Variants in CEP44 observed in about 807,000 individuals in gnomAD.
CEP44 encodes the protein centrosomal protein 44.
A neutral mutation model predicts 46.7 loss-of-function variants in CEP44; 45 were observed. That is an observed-to-expected ratio of 0.96 (90% confidence interval 0.76 to 1.24). The LOEUF (loss-of-function observed/expected upper bound fraction) is 1.24. CEP44 is among the 50% of genes most tolerant of loss of function. The pLI is 0.00. For synonymous variants in CEP44, 142 were observed against 146.0 expected, an observed-to-expected ratio of 0.97 and a Z score of 0.20; for missense variants, 475 against 459.7, an observed-to-expected ratio of 1.03 and a Z score of -0.30.
intron 1 of CEP44, among the ~76,000 whole-genome samples, chr4:174,291,782 CTTTTCTTTTTTTTTTTT>C (rs1738236590): frequency 1.2e-5 from 1 of 81,636 alleles, no homozygotes; most frequent in Non-Finnish European, 2.6e-5. Context: ...TTATCTTTTT[CTTTTCTTTTTTTTTTTT>C]TTTTTTTTTT....
At chr4:174,305,871 T>A (rs1281937564) in intron 6 of CEP44, among the ~76,000 whole-genome samples, 1 of 152,190 alleles carries the variant, frequency 6.6e-6, no homozygotes, top group Non-Finnish European at 1.5e-5. Context: ...GGGGACAGTG[T>A]AAATTGTCCT....
At chr4:174,328,854 A>C (rs185473362) in intron 8 of CEP44, among the ~76,000 whole-genome samples, 13 of 152,220 alleles carry the variant, frequency 8.5e-5, no homozygotes, top group African/African-American at 3.1e-4. Flanking sequence ...ATAAATTAAA[A>C]TAGGTTTCTA....
At position 174,326,805 on chromosome 4, in the gene CEP44, TA is replaced by T; in HGVS notation, c.1087-4675del. On this transcript the variant is annotated intron_variant, in intron 8 of 8. Coordinates refer to the CEP44 transcript ENST00000426172. This position sits in a 1 kb window ranked among gnomAD's most constrained non-coding sequence, Gnocchi z 4.8. Reference sequence around the variant, plus strand: ...GTTTGTTGTTTTTCATTCTTTTCAGTAATTTAAAGATGGCCCTCCATGGTCT... The same window carrying T: ...GTTTGTTGTTTTTCATTCTTTTCAGTATTTAAAGATGGCCCTCCATGGTCT... Among the ~76,000 whole-genome samples, 1 of 151,972 alleles carries T rather than the reference TA, an allele frequency of 6.6e-6. No homozygotes were observed. Among genetic ancestry groups the T allele is most frequent in the East Asian group, 1.9e-4 (1 of 5,198 alleles).
Position 174,290,939 on chromosome 4 carries a change from A to G in CEP44, c.-148+6996A>G, listed in dbSNP as rs115335349. Among the ~76,000 whole-genome samples, 9,809 of 152,168 alleles carry G rather than the reference A, an allele frequency of 0.064. 431 individuals carry two copies. The highest frequency in any genetic ancestry group is 0.21 in the South Asian group (988 of 4,816). ...TTTGACAGTTGTCGACTTAAAGTCT[A>G]TTTTGTCTGATATAGATAGCCACCC... On this transcript the variant is annotated intron_variant, in intron 1 of 11. Transcript: ENST00000503780. This position sits in a 1 kb window ranked among gnomAD's most constrained non-coding sequence, Gnocchi z 4.3.
In CEP44 at chr4:174,302,108, T is replaced by C. The variant is rs778278459; in HGVS notation, c.159T>C (p.Tyr53=). ...ATTCTTTTACCTCATACTCACCTTA[T>C]GTAACAGAACTTATAATGGAATCCA... ...ISYSFTSYSP[Y]VTELIMESNV... The change falls in exon 4 of 12, where the codon TAT becomes TAC. Residue 53 remains tyrosine (Y), a synonymous_variant. Coordinates refer to ENST00000503780, the MANE Select transcript of CEP44 (RefSeq NM_001040157.3). 1.9e-6 allele frequency: 3 copies of C among 1,612,386 alleles called. No individual in the cohort carries two copies. Among genetic ancestry groups the C allele is most frequent in the East Asian group, 2.2e-5 (1 of 44,728 alleles).
chr4:174,324,014 G>A (rs1039966388), downstream of CEP44, among the ~76,000 whole-genome samples: 2 of 152,126 alleles, frequency 1.3e-5, no homozygotes, highest in East Asian at 3.9e-4. Flanking sequence ...AGAAGCAAGC[G>A]ACTACAAACA....
At chr4:174,285,637 A>C (rs1452741254) in intron 1 of CEP44, 2 of 152,222 alleles carry the variant, frequency 1.3e-5, no homozygotes, top group African/African-American at 4.8e-5. Flanking sequence ...AATGGAATAT[A>C]CATCTGGAAG....
intron 1 of CEP44, among the ~76,000 whole-genome samples, chr4:174,284,808 C>T (rs1737384588): frequency 6.6e-6 from 1 of 152,156 alleles, no homozygotes; most frequent in African/African-American, 2.4e-5. Context: ...CTGTTTTTCT[C>T]ATCTTTACTT....
chr4:174,317,852 G>A lies in CEP44; in HGVS notation c.*469G>A, dbSNP rs1474185119. 2 of 985,660 alleles carry A rather than the reference G, an allele frequency of 2.0e-6. No individual in the cohort carries two copies. The highest frequency in any genetic ancestry group is 2.4e-6 in the Non-Finnish European group (2 of 829,822). 61.1% of individuals were successfully genotyped at this position (985,660 alleles called of 1,614,324 possible). The stretch of plus-strand genomic sequence containing the variant: ...TAATGAACAGTTAAAAATGCTCATT[G>A]AAAATTAAATAAAACAAAAAGGCAG... On this transcript the variant is annotated 3_prime_UTR_variant, in exon 12 of 12. Coordinates refer to ENST00000503780, the MANE Select transcript of CEP44 (RefSeq NM_001040157.3).
chr4:174,323,926 A>G (rs1362344550), downstream of CEP44, among the ~76,000 whole-genome samples: 1 of 152,154 alleles, frequency 6.6e-6, no homozygotes, highest in Non-Finnish European at 1.5e-5. Context: ...GATGTTATCT[A>G]TAAGGAAACT....
Position 174,316,241 on chromosome 4 carries a change from C to G in CEP44, c.1037C>G (p.Thr346Ser). The G allele has an allele frequency of 6.2e-7, 1 of 1,612,176 alleles. No homozygotes were observed. Among genetic ancestry groups the G allele is most frequent in the African/African-American group, 1.3e-5 (1 of 74,996 alleles). Residue 346 changes from threonine (T) to serine (S), a missense_variant, in exon 10 of 12, where the codon ACT becomes AGT. Coordinates refer to ENST00000503780, the MANE Select transcript of CEP44 (RefSeq NM_001040157.3). ...SGYSTASSDS[T>S]PRASTVNYCG... Reference sequence around the variant, plus strand: ...TATAGTACAGCATCATCAGATTCAACTCCCAGAGCCTCTACTGTTAATTAC... The same window carrying G: ...TATAGTACAGCATCATCAGATTCAAGTCCCAGAGCCTCTACTGTTAATTAC...
downstream of CEP44, among the ~76,000 whole-genome samples, chr4:174,320,797 A>G (rs1044128909): frequency 5.9e-5 from 9 of 151,972 alleles, no homozygotes; most frequent in African/African-American, 1.9e-4. Context: ...GAATATGATA[A>G]CCAGATCTGA....
chr4:174,331,393 C>G lies in CEP44; in HGVS notation c.1087-89C>G. On this transcript the variant is annotated intron_variant, in intron 8 of 8. Coordinates refer to the CEP44 transcript ENST00000426172. The surrounding 1 kb of genome is among the most constrained non-coding windows in gnomAD (Gnocchi z 4.5). ...ATGGAAGAGGAGGAAATATTAATAG[C>G]ACTCTGACACTGCTCTAATTCCTAT... 7.5e-7 allele frequency: 1 copy of G among 1,334,330 alleles called. No individual in the cohort carries two copies. Among genetic ancestry groups the G allele is most frequent in the Non-Finnish European group, 1.0e-6 (1 of 994,040 alleles). The allele number at this position is 1,334,330 out of a possible 1,614,324, so 82.7% of individuals were successfully genotyped here.
intron 4 of CEP44, among the ~76,000 whole-genome samples, chr4:174,303,070 G>A (rs554391802): frequency 3.4e-4 from 51 of 152,178 alleles, no homozygotes; most frequent in South Asian, 1.2e-3. Context: ...ATGAGCCACC[G>A]CACCCAGCCT....
chr4:174,296,237 A>G (rs550392107), intron 1 of CEP44, among the ~76,000 whole-genome samples: 1 of 152,276 alleles, frequency 6.6e-6, no homozygotes, highest in African/African-American at 2.4e-5. Flanking sequence ...CTTTTACTTT[A>G]TGAAATGTCA....
chr4:174,327,928 G>A (rs1013980820), intron 8 of CEP44, among the ~76,000 whole-genome samples: 5 of 152,276 alleles, frequency 3.3e-5, no homozygotes, highest in Non-Finnish European at 5.9e-5. Flanking sequence ...TAAAGTTGGA[G>A]AAACACTGGT....
At chr4:174,285,698 A>AG (rs922376610) in intron 1 of CEP44, 64 of 152,218 alleles carry the variant, frequency 4.2e-4, no homozygotes, top group African/African-American at 1.5e-3. Flanking sequence ...GTTACTGGGA[A>AG]GAAGGTATCC....
At chr4:174,304,696 A>G (rs1380427317) in intron 6 of CEP44, among the ~76,000 whole-genome samples, 1 of 152,242 alleles carries the variant, frequency 6.6e-6, no homozygotes. Flanking sequence ...TCTTCCTAAA[A>G]CATGGGAACA....
intron 6 of CEP44, among the ~76,000 whole-genome samples, chr4:174,305,012 C>G (rs1454429523): frequency 2.0e-5 from 3 of 152,156 alleles, no homozygotes; most frequent in Non-Finnish European, 2.9e-5. Flanking sequence ...CTGGAGAAGA[C>G]TCTGATTGAA....
Sources: gnomAD v4.1 joint callset for allele counts (sites outside exome capture counted in the v4.1 genomes callset) on GRCh38, gnomAD v4.1.1 for gene constraint, Gnocchi (gnomAD v3.1) non-coding constraint, MANE v1.5 for transcripts, NCBI Gene and HGNC (gene_info 2026-07-23, HGNC 2026-07-21) for gene names.